CRTAC1: variants seen among roughly 807,000 people sequenced by gnomAD.
CRTAC1 encodes cartilage acidic protein 1, also known as acidic secreted protein in cartilage.
In CRTAC1, 37 loss-of-function variants were observed where a neutral mutation model predicts 67.8. That is an observed-to-expected ratio of 0.55 (90% CI 0.42 to 0.72). The LOEUF (loss-of-function observed/expected upper bound fraction) is 0.72, where lower values mean the gene tolerates loss of function less well. Ranked by LOEUF, CRTAC1 falls within the 30% of genes least tolerant of loss-of-function variation. CRTAC1 has a pLI of 0.00. For missense variants in CRTAC1, 780 were observed against 931.6 expected (o/e 0.84, Z 2.12); for synonymous variants, 348 against 371.0 (o/e 0.94, Z 0.71).
At chr10:97,969,726 C>T (rs906997059) in intron 2 of CRTAC1, among the ~76,000 whole-genome samples, 2 of 152,126 alleles carry the variant, frequency 1.3e-5, no homozygotes, top group African/African-American at 4.8e-5. Context: ...TATCTCCCCA[C>T]CCAGACCTAC....
intron 2 of CRTAC1, among the ~76,000 whole-genome samples, chr10:98,001,885 A>G (rs1456076740): frequency 1.3e-5 from 2 of 152,270 alleles, no homozygotes; most frequent in African/African-American, 4.8e-5. Flanking sequence ...GGACTGGAGA[A>G]GAGAAGGGAT....
At chr10:97,865,928 C>A (rs1188935855) in intron 14 of CRTAC1, 2 of 654,930 alleles carry the variant, frequency 3.1e-6, no homozygotes, top group African/African-American at 1.8e-5. Context: ...GGGGGCTTTT[C>A]CTTCCCGATG....
chr10:97,888,839 TGA>T (rs1441844989), intron 11 of CRTAC1, among the ~76,000 whole-genome samples: 1 of 151,984 alleles, frequency 6.6e-6, no homozygotes, highest in Non-Finnish European at 1.5e-5. Flanking sequence ...GGAGCAGCAG[TGA>T]GTCACCTCTG....
chr10:97,973,977 A>C (rs1212253408), intron 2 of CRTAC1, among the ~76,000 whole-genome samples: 1 of 151,340 alleles, frequency 6.6e-6, no homozygotes, highest in Non-Finnish European at 1.5e-5. Flanking sequence ...CCATACCAAA[A>C]AAAAAAAAAA....
intron 11 of CRTAC1, among the ~76,000 whole-genome samples, chr10:97,890,670 CT>C (rs771905344): frequency 1.8e-3 from 256 of 143,420 alleles, no homozygotes; most frequent in Middle Eastern, 3.7e-3. Flanking sequence ...TCTTTTCTTT[CT>C]TTTTTTTTTT....
chr10:97,967,227 T>A (rs1372908797), intron 2 of CRTAC1, among the ~76,000 whole-genome samples: 1 of 152,244 alleles, frequency 6.6e-6, no homozygotes, highest in Non-Finnish European at 1.5e-5. Context: ...TATAATCCAA[T>A]ACAACTTTAT....
Position 97,904,809 on chromosome 10 carries a change from C to T in CRTAC1, c.856G>A (p.Asp286Asn), listed in dbSNP as rs749221555. ...FVDAAASAGV[D>N]DPHQHGRGVA... is the part of the protein sequence containing the mutation. ...CCTCGCCCATGCTGGTGGGGGTCGT[C>T]CACACCTGGGGAGGAGAGGCAGGAA... The change falls in exon 7 of 15, where the codon GAC becomes AAC. Residue 286 changes from aspartate to asparagine, a missense_variant. By Grantham distance (23) the Asp-to-Asn change is conservative. Coordinates refer to ENST00000370597, the MANE Select transcript of CRTAC1 (RefSeq NM_018058.7). 6.3e-7 allele frequency: 1 copy of T among 1,596,870 alleles called. No homozygotes were observed. Among genetic ancestry groups the T allele is most frequent in the South Asian group, 1.1e-5 (1 of 88,508 alleles).
chr10:97,947,704 G>C (rs1023950297), intron 2 of CRTAC1, among the ~76,000 whole-genome samples: 14 of 152,196 alleles, frequency 9.2e-5, no homozygotes, highest in African/African-American at 3.1e-4. Flanking sequence ...ACAGAAGCAT[G>C]GTCTTGGTGT....
In CRTAC1 at chr10:97,887,257, T is replaced by A. The variant is rs1484226948; in HGVS notation, c.1487-2906A>T. 3.3e-5 allele frequency among the ~76,000 whole-genome samples: 5 copies of A among 151,578 alleles called. No individual in the cohort carries two copies. In the South Asian group the frequency reaches 1.0e-3, roughly 32 times the overall value. ...TTTTTTTTTTTTTTCTGTTTTTATT[T>A]TGAGATGGAGTTTTGCTCTTGTTGC... is the stretch of plus-strand genomic sequence containing the variant. On this transcript the variant is annotated intron_variant, in intron 11 of 14. Transcript: ENST00000370597.
rs557999449 is a variant in CRTAC1, at chr10:98,022,457, C to T, written c.24+7992G>A. On this transcript the variant is annotated intron_variant, in intron 1 of 14. Transcript: ENST00000370597. ...ATAGGAGGGAGGGATTAACTAGGGA[C>T]GTGGTGGGAAGGGCAGGCAGAAAAG... 5.9e-5 allele frequency among the ~76,000 whole-genome samples: 9 copies of T among 152,018 alleles called. No individual in the cohort carries two copies. In the South Asian group the frequency reaches 1.3e-3, roughly 21 times the overall value.
At chr10:97,961,654 C>T (rs1273667900) in intron 2 of CRTAC1, among the ~76,000 whole-genome samples, 1 of 152,152 alleles carries the variant, frequency 6.6e-6, no homozygotes, top group African/African-American at 2.4e-5. Context: ...GGCTCAAATA[C>T]ACTCTTTTCT....
At chr10:97,909,619 T>G (rs897297685) in intron 5 of CRTAC1, among the ~76,000 whole-genome samples, 1 of 152,030 alleles carries the variant, frequency 6.6e-6, no homozygotes, top group Non-Finnish European at 1.5e-5. Flanking sequence ...TGTAAATGAG[T>G]ACAGACATTA....
Position 98,011,181 on chromosome 10 carries a change from T to A in CRTAC1, c.181A>T (p.Thr61Ser). Residue 61 changes from threonine to serine, a missense_variant, in exon 2 of 15, where the codon ACT (threonine) becomes TCT (serine). Coordinates refer to ENST00000370597, the MANE Select transcript of CRTAC1 (RefSeq NM_018058.7). ...PTQLNYGVAV[T>S]DVDHDGDFEI... ...AAGTCCCCATCATGGTCCACATCAG[T>A]AACTGCCACACCATAGTTGAGCTGG... 3 of 1,614,176 alleles carry A rather than the reference T, an allele frequency of 1.9e-6. No individual in the cohort carries two copies. Among genetic ancestry groups the A allele is most frequent in the Non-Finnish European group, 2.5e-6 (3 of 1,180,030 alleles).
intron 4 of CRTAC1, among the ~76,000 whole-genome samples, chr10:97,917,919 C>T (rs1489478209): frequency 6.6e-6 from 1 of 152,150 alleles, no homozygotes; most frequent in Non-Finnish European, 1.5e-5. Context: ...AGAACACACC[C>T]CTCCCTCTCC....
In CRTAC1 at chr10:97,968,627, C is replaced by T. The variant is rs537096378; in HGVS notation, c.225-32261G>A. On this transcript the variant is annotated intron_variant, in intron 2 of 14. Transcript: ENST00000370597. ...GTCTGAGAAGGAAATAAGGAATTGA[C>T]TGTCCTGAACACACAGCAAGGCTGA... is the stretch of plus-strand genomic sequence containing the variant. 6.8e-4 allele frequency among the ~76,000 whole-genome samples: 104 copies of T among 152,344 alleles called. 2 individuals carry two copies. In the South Asian group the frequency reaches 0.013, roughly 19 times the overall value.
At chr10:97,958,968 G>A (rs1393575472) in intron 2 of CRTAC1, among the ~76,000 whole-genome samples, 1 of 152,158 alleles carries the variant, frequency 6.6e-6, no homozygotes, top group Non-Finnish European at 1.5e-5. Context: ...CAAGACATGG[G>A]CACTCTGGAA....
chr10:97,939,583 G>A (rs1221655312), intron 2 of CRTAC1, among the ~76,000 whole-genome samples: 2 of 152,156 alleles, frequency 1.3e-5, no homozygotes, highest in African/African-American at 4.8e-5. Context: ...CACCCAGGCT[G>A]CTCTCTGCTG....
At chr10:98,008,150 C>T (rs1159588630) in intron 2 of CRTAC1, among the ~76,000 whole-genome samples, 1 of 152,182 alleles carries the variant, frequency 6.6e-6, no homozygotes, top group East Asian at 1.9e-4. Context: ...CAAACAGACC[C>T]AGGCCAGCAC....
At chr10:98,003,948 C>T (rs757348913) in intron 2 of CRTAC1, among the ~76,000 whole-genome samples, 21 of 152,260 alleles carry the variant, frequency 1.4e-4, no homozygotes, top group Admixed American at 3.9e-4. Context: ...GGTACGGATG[C>T]GGCAATGGGA....
Sources: allele counts gnomAD v4.1 joint callset (sites outside exome capture counted in the v4.1 genomes callset), GRCh38; gene constraint gnomAD v4.1.1; transcripts MANE v1.5; gene names NCBI Gene and HGNC (gene_info 2026-07-23, HGNC 2026-07-21).